Variants in UTP14A observed in about 807,000 individuals in gnomAD.
The protein encoded by UTP14A is U3 small nucleolar RNA-associated protein 14 homolog A.
UTP14A carries 5 observed loss-of-function variants against 57.2 expected under a neutral mutation model. The observed-to-expected ratio is 0.09, with a 90% CI of 0.05 to 0.18. The LOEUF (loss-of-function observed/expected upper bound fraction) is 0.18, where lower values mean the gene tolerates loss of function less well. Among genes scored for constraint, UTP14A ranks in the 10% least tolerant of loss-of-function variants. UTP14A has a pLI of 1.00. For synonymous variants in UTP14A, 169 were observed against 210.9 expected, an observed-to-expected ratio of 0.80 and a Z score of 1.72; for missense variants, 430 against 562.1, an observed-to-expected ratio of 0.76 and a Z score of 2.38.
Position 129,907,360 on chromosome X carries a change from T to C in UTP14A, c.27-7T>C. ...CATTCACATTTCTCTGTTGCCTCTT[T>C]TAACAGCCTTCTGGCTTTGAGCCAA... On this transcript the variant is annotated splice_region_variant and splice_polypyrimidine_tract_variant and intron_variant, in intron 1 of 14. Coordinates refer to ENST00000394422, the MANE Select transcript of UTP14A (RefSeq NM_006649.4). 8.3e-7 allele frequency: 1 copy of C among 1,205,515 alleles called. No homozygotes were observed.
At chrX:129,920,827 GA>G (rs1337772281) in intron 10 of UTP14A, 75 bp downstream of exon 10, 76 of 1,199,439 alleles carry the variant, frequency 6.3e-5, no homozygotes, top group Non-Finnish European at 8.4e-5. Flanking sequence ...GAAGAGCCAT[GA>G]GGATGGATGG....
At chrX:129,908,249 G>A (rs1471700034) in intron 3 of UTP14A, 119 bp downstream of exon 3, 4 of 535,779 alleles carry the variant, frequency 7.5e-6, no homozygotes, top group Non-Finnish European at 1.2e-5. Flanking sequence ...CATATAGTAA[G>A]CATTATATAA....
rs775466930 is a variant in UTP14A at position 129,928,603 on chromosome X, A to T, written c.2044-733A>T. ...CCCCGTCTCTACTAAAAATACAAAA[A>T]ATTAGCCGGGCGTGGTGGTGGGCAC... On this transcript the variant is annotated intron_variant, in intron 14 of 14. Transcript: ENST00000394422. Among the ~76,000 whole-genome samples, 758 of 107,156 alleles carry T rather than the reference A, an allele frequency of 7.1e-3. 2 individuals carry two copies. The highest frequency in any genetic ancestry group is 0.025 in the African/African-American group (727 of 29,386). The allele number at this position is 107,156 out of a possible 115,157, so 93.1% of individuals were successfully genotyped here.
chrX:129,918,574 G>C (rs1189542702), intron 6 of UTP14A, among the ~76,000 whole-genome samples: 1 of 111,315 alleles, frequency 9.0e-6, no homozygotes, highest in Non-Finnish European at 1.9e-5. Flanking sequence ...ATGGAAATCA[G>C]TTTAACATAT....
chrX:129,913,858 G>A (rs1204549942), intron 6 of UTP14A, among the ~76,000 whole-genome samples: 2 of 111,493 alleles, frequency 1.8e-5, no homozygotes, highest in Non-Finnish European at 3.8e-5. Flanking sequence ...GTGTGTGCCT[G>A]TAATCCCAGC....
At position 129,929,752 on chromosome X, in the gene UTP14A, A is replaced by C. The variant is rs747143496; in HGVS notation, c.*144A>C. ...TAAAAATAAAGGCATTTTTTAATCT[A>C]TTTACCTGGAGTATATGTTGCATTG... On this transcript the variant is annotated 3_prime_UTR_variant, in exon 15 of 15. Transcript: ENST00000394422. 1 of 742,464 alleles carries C rather than the reference A, an allele frequency of 1.3e-6. No individual in the cohort carries two copies. The highest frequency in any genetic ancestry group is 1.9e-6 in the Non-Finnish European group (1 of 519,071). 61.2% of individuals were successfully genotyped at this position (742,464 alleles called of 1,213,427 possible).
intron 11 of UTP14A, among the ~76,000 whole-genome samples, chrX:129,923,784 A>G (rs1929994211): frequency 9.0e-6 from 1 of 111,113 alleles, no homozygotes; most frequent in Non-Finnish European, 1.9e-5. Flanking sequence ...ATAAATTACA[A>G]TGAAGTTACA....
In UTP14A at chrX:129,925,279, C is replaced by G. The variant is rs1930063237; in HGVS notation, c.1749+84C>G. 1.6e-5 allele frequency: 18 copies of G among 1,109,446 alleles called. No individual in the cohort carries two copies. In the South Asian group the frequency reaches 3.4e-4, roughly 21 times the overall value. 91.4% of individuals were successfully genotyped at this position (1,109,446 alleles called of 1,213,427 possible). A position where few individuals can be genotyped will look rare whatever the true frequency, so the allele number is the denominator to read the frequency against. On this transcript the variant is annotated intron_variant, in intron 12 of 14. Transcript: ENST00000394422. ...TAATGAAGCTTTGTTTTGCTGGGGGCACATTTCAGTAGTTTAGAGGTCCAG... is the reference window on the plus strand; with the variant it reads ...TAATGAAGCTTTGTTTTGCTGGGGGGACATTTCAGTAGTTTAGAGGTCCAG...
chrX:129,921,198 G>A lies in UTP14A; in HGVS notation c.959G>A (p.Arg320His). 4 of 1,200,092 alleles carry A rather than the reference G, an allele frequency of 3.3e-6. No individual in the cohort carries two copies. The highest frequency in any genetic ancestry group is 4.5e-6 in the Non-Finnish European group (4 of 890,208). Residue 320 changes from arginine (R) to histidine (H), a missense_variant, in exon 11 of 15, where the codon CGC (arginine) becomes CAC (histidine). Transcript: ENST00000394422. ...AIMAKYDLEA[R>H]QAMQEQLSKN... is the part of the protein sequence containing the mutation. ...TGCTGTGACTCTTTCCTCCAGGCTC[G>A]CCAAGCTATGCAGGAACAGTTGTCT...
In UTP14A at chrX:129,926,149, G is replaced by A. The variant is rs186608138; in HGVS notation, c.1943+37G>A. 4.6e-4 allele frequency: 556 copies of A among 1,207,264 alleles called. 2 individuals carry two copies. In the East Asian group the frequency reaches 6.8e-3, roughly 15 times the overall value. ...GAAGAAAGTCTGTCAAAAGGGCACC[G>A]GGTTCTCCCCTCGCCCTTCGGTGTC... is the stretch of plus-strand genomic sequence containing the variant. On this transcript the variant is annotated intron_variant, in intron 13 of 14. Coordinates refer to ENST00000394422, the MANE Select transcript of UTP14A (RefSeq NM_006649.4).
rs1051271059 is a variant in UTP14A, at chrX:129,919,405, G to A, written c.668G>A (p.Arg223Gln). The A allele has an allele frequency of 4.1e-6, 5 of 1,211,779 alleles. No homozygotes were observed. Among genetic ancestry groups the A allele is most frequent in the South Asian group, 1.8e-5 (1 of 56,980 alleles). ...RAMSLEEAKM[R>Q]RAELQRARAL... ...TCTCATTTGTTGTAGGCAAAGATGC[G>A]ACGAGCAGAGCTTCAGAGGGCTCGG... The change falls in exon 8 of 15, where the codon CGA (arginine) becomes CAA (glutamine). Residue 223 changes from arginine (R) to glutamine (Q), a missense_variant. This residue lies in a region of UTP14A where 83 missense variants were observed against 140.4 expected (regional missense o/e 0.59). Transcript: ENST00000394422.
chrX:129,911,300 G>C, intron 5 of UTP14A, 150 bp downstream of exon 5: 7 of 814,344 alleles, frequency 8.6e-6, no homozygotes, highest in Non-Finnish European at 1.2e-5. Context: ...TAATCTAGGA[G>C]TGCCAGGCGC....
chrX:129,908,242 A>G, intron 3 of UTP14A, 112 bp downstream of exon 3: 2 of 561,128 alleles, frequency 3.6e-6, no homozygotes, highest in South Asian at 3.5e-5. Flanking sequence ...TGCCTAGCAT[A>G]TAGTAAGCAT....
chrX:129,912,319 C>T (rs1446007732), intron 6 of UTP14A, among the ~76,000 whole-genome samples: 1 of 108,220 alleles, frequency 9.2e-6, no homozygotes, highest in East Asian at 2.9e-4. Flanking sequence ...TGGGGTTTCA[C>T]CATGTTGGCC....
intron 14 of UTP14A, among the ~76,000 whole-genome samples, chrX:129,927,540 T>C (rs2124225470): frequency 8.9e-6 from 1 of 112,110 alleles, no homozygotes; most frequent in African/African-American, 3.2e-5. Context: ...GGAGTCTCAC[T>C]CTGTCACCCA....
At chrX:129,907,722 C>T (rs752075544) in intron 2 of UTP14A, among the ~76,000 whole-genome samples, 38 of 111,745 alleles carry the variant, frequency 3.4e-4, no homozygotes, top group South Asian at 1.1e-3. Context: ...TTTGGGAGGC[C>T]AAGGCGGGCA....
chrX:129,907,752 T>C (rs913068073), intron 2 of UTP14A, among the ~76,000 whole-genome samples: 4 of 111,141 alleles, frequency 3.6e-5, no homozygotes, highest in East Asian at 2.8e-4. Context: ...GTCAGGAGAT[T>C]GAGACCATCC....
intron 5 of UTP14A, 33 bp downstream of exon 5, chrX:129,911,183 A>G (rs745463661): frequency 8.5e-7 from 1 of 1,177,299 alleles, no homozygotes; most frequent in Non-Finnish European, 1.1e-6. Context: ...TATTAAGGGA[A>G]AGAAATTGAA....
At position 129,921,280 on chromosome X, in the gene UTP14A, G is replaced by C. The variant is rs760232790; in HGVS notation, c.1041G>C (p.Glu347Asp). ...LQVASESEEE[E>D]GGTEDVEELL... ...TAGCCTCTGAGAGTGAGGAAGAGGA[G>C]GGAGGCACAGAAGATGTGGAAGAAC... Residue 347 changes from glutamate (E) to aspartate (D), a missense_variant, in exon 11 of 15, where the codon GAG becomes GAC. Coordinates refer to ENST00000394422, the MANE Select transcript of UTP14A (RefSeq NM_006649.4). The C allele has an allele frequency of 5.0e-6, 6 of 1,211,774 alleles. No homozygotes were observed. In the Admixed American group the frequency reaches 8.7e-5, roughly 18 times the overall value.
Sources: gnomAD v4.1 joint callset for allele counts (sites outside exome capture counted in the v4.1 genomes callset) on GRCh38, gnomAD v4.1.1 for gene constraint, gnomAD v4.1.1 regional missense constraint, MANE v1.5 for transcripts, NCBI Gene and HGNC (gene_info 2026-07-23, HGNC 2026-07-21) for gene names.